Variants in PRKAR1A observed in about 807,000 individuals in gnomAD.
The protein encoded by PRKAR1A is cAMP-dependent protein kinase type I-alpha regulatory subunit.
Under a neutral mutation model 52.0 loss-of-function variants are expected in PRKAR1A, and 3 were observed. The observed-to-expected ratio is 0.06, with a 90% CI of 0.03 to 0.15. The LOEUF (loss-of-function observed/expected upper bound fraction) is 0.15, where lower values mean the gene tolerates loss of function less well. Ranked by LOEUF, PRKAR1A falls within the 10% of genes least tolerant of loss-of-function variation. The pLI is 1.00. For missense variants in PRKAR1A, 240 were observed against 477.4 expected (o/e 0.50, Z 4.63); for synonymous variants, 188 against 168.4 (o/e 1.12, Z -0.90).
chr17:68,429,992 G>A, the PRKAR1A span: 635 of 1,614,040 alleles, frequency 3.9e-4, no homozygotes, highest in African/African-American at 7.5e-3. Context: ...GTCATTGTAC[G>A]TACGTTGAGA....
intron 7 of PRKAR1A, 194 bp from the exon 8 acceptor site, chr17:68,527,646 C>A (rs2085832373): frequency 1.8e-6 from 1 of 548,072 alleles, no homozygotes; most frequent in Admixed American, 3.1e-5. Context: ...ATAAAAATCA[C>A]AAGAATGTCA....
chr17:68,483,206 C>T, the PRKAR1A span, among the ~76,000 whole-genome samples: 2 of 152,072 alleles, frequency 1.3e-5, no homozygotes, highest in South Asian at 2.1e-4. Context: ...CCGGGCCAGG[C>T]GCAGTGGCTC....
At chr17:68,516,760 A>G (rs563344407) in intron 2 of PRKAR1A, among the ~76,000 whole-genome samples, 1 of 152,044 alleles carries the variant, frequency 6.6e-6, no homozygotes, top group African/African-American at 2.4e-5. Context: ...AGTCACTGTG[A>G]ATGTTGCTTT....
the PRKAR1A span, chr17:68,420,448 C>T: frequency 6.2e-7 from 1 of 1,614,050 alleles, no homozygotes; most frequent in Non-Finnish European, 8.5e-7. Context: ...TTGCCTGCCG[C>T]TGTCAAGCCG....
chr17:68,546,441 G>C (rs866907952), intron 11 of PRKAR1A, among the ~76,000 whole-genome samples: 31 of 152,008 alleles, frequency 2.0e-4, no homozygotes, highest in African/African-American at 7.0e-4. Flanking sequence ...CTAGAATGGA[G>C]ACTCCTTTCC....
chr17:68,524,288 G>A (rs933645427), intron 5 of PRKAR1A, among the ~76,000 whole-genome samples: 1 of 151,886 alleles, frequency 6.6e-6, no homozygotes, highest in Non-Finnish European at 1.5e-5. Context: ...TTTTGATACA[G>A]TTTTGTTTAT....
At chr17:68,486,794 T>A in the PRKAR1A span, among the ~76,000 whole-genome samples, 1 of 151,758 alleles carries the variant, frequency 6.6e-6, no homozygotes, top group Non-Finnish European at 1.5e-5. Context: ...CAGAAGTCAC[T>A]CATCTAATAT....
At chr17:68,453,629 C>A in the PRKAR1A span, among the ~76,000 whole-genome samples, 56 of 152,112 alleles carry the variant, frequency 3.7e-4, no homozygotes, top group African/African-American at 1.3e-3. Flanking sequence ...CAGGCATGCA[C>A]CACCACGCCA....
chr17:68,433,720 A>G, the PRKAR1A span: 1 of 321,216 alleles, frequency 3.1e-6, no homozygotes, highest in South Asian at 6.1e-5. Flanking sequence ...TGGTGCTCAT[A>G]TTTAGAAATT....
At chr17:68,506,773 C>T in the PRKAR1A span, among the ~76,000 whole-genome samples, 1 of 152,170 alleles carries the variant, frequency 6.6e-6, no homozygotes, top group African/African-American at 2.4e-5. Context: ...TGAGCCACCG[C>T]ACCTGGCCCA....
At chr17:68,521,816 GAAAT>G (rs1387540752) in intron 2 of PRKAR1A, among the ~76,000 whole-genome samples, 1 of 152,142 alleles carries the variant, frequency 6.6e-6, no homozygotes, top group Non-Finnish European at 1.5e-5. Context: ...ATATAGAAAA[GAAAT>G]AACGGGTCAA....
the PRKAR1A span, chr17:68,436,458 T>C: frequency 6.2e-7 from 1 of 1,613,770 alleles, no homozygotes. Flanking sequence ...ATTGGAATGG[T>C]TGATAGAGAG....
the PRKAR1A span, among the ~76,000 whole-genome samples, chr17:68,441,369 T>C: frequency 2.0e-5 from 3 of 152,248 alleles, no homozygotes; most frequent in African/African-American, 4.8e-5. Flanking sequence ...TTGTAGTTTA[T>C]GAAGTCAAAA....
At chr17:68,507,711 A>G (rs1455372078), upstream of PRKAR1A, among the ~76,000 whole-genome samples, 1 of 152,224 alleles carries the variant, frequency 6.6e-6, no homozygotes, top group Non-Finnish European at 1.5e-5. Context: ...TCACATTAAA[A>G]AAAAAAGATC....
At chr17:68,444,640 C>G in the PRKAR1A span, 1 of 1,465,066 alleles carries the variant, frequency 6.8e-7, no homozygotes, top group Non-Finnish European at 9.4e-7. Flanking sequence ...TACAAAGACC[C>G]TGACCAAATC....
chr17:68,530,095 A>ATTTTATTTTCTT, intron 10 of PRKAR1A, 94 bp downstream of exon 10: 1 of 1,518,452 alleles, frequency 6.6e-7, no homozygotes, highest in Non-Finnish European at 9.1e-7. Flanking sequence ...CTTCTCCTGA[A>ATTTTATTTTCTT]TTTTATTTTC....
the PRKAR1A span, among the ~76,000 whole-genome samples, chr17:68,470,821 G>A: frequency 6.6e-6 from 1 of 152,148 alleles, no homozygotes; most frequent in Non-Finnish European, 1.5e-5. Context: ...TCATTTCATA[G>A]ACAAAGAAAT....
At chr17:68,502,470 G>T in the PRKAR1A span, among the ~76,000 whole-genome samples, 2 of 152,104 alleles carry the variant, frequency 1.3e-5, no homozygotes, top group Admixed American at 1.3e-4. Flanking sequence ...CTAAAATGGG[G>T]CCAGGCACAG....
the PRKAR1A span, among the ~76,000 whole-genome samples, chr17:68,447,365 T>C: frequency 2.1e-5 from 3 of 141,924 alleles, no homozygotes; most frequent in African/African-American, 9.5e-5. Flanking sequence ...CTAAGTGTTC[T>C]TCTTTTTTAA....
Sources: gnomAD v4.1 joint callset for allele counts (sites outside exome capture counted in the v4.1 genomes callset) on GRCh38, gnomAD v4.1.1 for gene constraint, MANE v1.5 for transcripts, NCBI Gene and HGNC (gene_info 2026-07-23, HGNC 2026-07-21) for gene names.